Variants in RASAL2 observed in about 807,000 individuals in gnomAD.
The protein encoded by RASAL2 is RAS protein activator like 2.
RASAL2 carries 58 observed loss-of-function variants against 128.9 expected under a neutral mutation model. The ratio of observed to expected loss-of-function variants is 0.45; its 90% CI spans 0.36 to 0.56. The LOEUF (loss-of-function observed/expected upper bound fraction) is 0.56, where lower values mean the gene tolerates loss of function less well. RASAL2 is among the 20% of genes least tolerant of loss of function. The pLI is 0.00. For synonymous variants in RASAL2, 561 were observed against 580.8 expected, an observed-to-expected ratio of 0.97 and a Z score of 0.49; for missense variants, 1,360 against 1,601.6, an observed-to-expected ratio of 0.85 and a Z score of 2.57.
At chr1:178,148,518 G>A (rs1227037783) in intron 1 of RASAL2, among the ~76,000 whole-genome samples, 3 of 150,366 alleles carry the variant, frequency 2.0e-5, no homozygotes, top group African/African-American at 4.9e-5. Flanking sequence ...GTGTGATCTC[G>A]GCCCACTGCA....
Position 178,457,821 on chromosome 1 carries a change from T to C in RASAL2, c.2529T>C (p.Pro843=), listed in dbSNP as rs762290412. The change falls in exon 14 of 18, where the codon CCT becomes CCC. Residue 843 remains proline, a synonymous_variant. Coordinates refer to ENST00000367649, the MANE Select transcript of RASAL2 (RefSeq NM_170692.4). ...SEKDERESSL[P]NGRSVSLMDL... Reference sequence around the variant, plus strand: ...AGGATGAAAGGGAAAGTAGCCTTCCTAATGGTCGGAGCGTCTCCCTCATGG... The same window carrying C: ...AGGATGAAAGGGAAAGTAGCCTTCCCAATGGTCGGAGCGTCTCCCTCATGG... 1 of 1,614,224 alleles carries C rather than the reference T, an allele frequency of 6.2e-7. No homozygotes were observed. The highest frequency in any genetic ancestry group is 1.3e-5 in the African/African-American group (1 of 75,070).
At chr1:178,349,125 A>C (rs1670316767) in intron 3 of RASAL2, among the ~76,000 whole-genome samples, 2 of 151,210 alleles carry the variant, frequency 1.3e-5, no homozygotes, top group Admixed American at 6.6e-5. Context: ...TTCATGTTGA[A>C]AGTTCTCCAG....
intron 1 of RASAL2, among the ~76,000 whole-genome samples, chr1:178,108,837 C>A (rs530060619): frequency 6.6e-6 from 1 of 152,228 alleles, no homozygotes; most frequent in Admixed American, 6.5e-5. Context: ...ATATTTTCAT[C>A]GAGTTGTATA....
At chr1:178,097,419 A>C (rs1251156680) in intron 1 of RASAL2, among the ~76,000 whole-genome samples, 3 of 152,196 alleles carry the variant, frequency 2.0e-5, no homozygotes, top group Non-Finnish European at 4.4e-5. Context: ...AACTTAATGC[A>C]TTTAAATCAT....
At chr1:178,107,686 T>C (rs1558056608) in intron 1 of RASAL2, among the ~76,000 whole-genome samples, 1 of 152,166 alleles carries the variant, frequency 6.6e-6, no homozygotes, top group Admixed American at 6.5e-5. Context: ...ATTTGCCTAT[T>C]CTAGGTACCT....
chr1:178,096,011 C>T (rs775182187), intron 1 of RASAL2, among the ~76,000 whole-genome samples: 1 of 152,146 alleles, frequency 6.6e-6, no homozygotes, highest in African/African-American at 2.4e-5. Context: ...TGTTACTCTA[C>T]GTACCGGAAG....
intron 4 of RASAL2, among the ~76,000 whole-genome samples, chr1:178,400,731 A>T (rs1186374537): frequency 6.6e-6 from 1 of 152,194 alleles, no homozygotes; most frequent in East Asian, 1.9e-4. Context: ...ACAATATTTT[A>T]TTCATTTCAT....
At chr1:178,467,044 T>C (rs946403345) in intron 16 of RASAL2, among the ~76,000 whole-genome samples, 1 of 152,076 alleles carries the variant, frequency 6.6e-6, no homozygotes, top group African/African-American at 2.4e-5. Context: ...TTTTTGTTGG[T>C]TGATTTGATA....
intron 4 of RASAL2, chr1:178,411,497 A>G: frequency 1.9e-6 from 1 of 526,954 alleles, no homozygotes. Flanking sequence ...AATCACCACT[A>G]AAGAACTTTT....
chr1:178,129,050 G>A (rs989276520), intron 1 of RASAL2, among the ~76,000 whole-genome samples: 39 of 151,970 alleles, frequency 2.6e-4, no homozygotes, highest in African/African-American at 7.5e-4. Context: ...ATGAACATAC[G>A]TATGTTTTAT....
At chr1:178,422,976 C>A (rs1175412992) in intron 5 of RASAL2, among the ~76,000 whole-genome samples, 1 of 152,002 alleles carries the variant, frequency 6.6e-6, no homozygotes, top group East Asian at 1.9e-4. Context: ...CCTTATTAAC[C>A]ATTTGTATAT....
Position 178,456,838 on chromosome 1 carries a change from C to A in RASAL2, c.2329C>A (p.Pro777Thr). ...ACGCTTCACTGAACATAACTCCAGTCCAAATGTCAGTGGAAGCCTCTCCTC... is the reference window on the plus strand; with the variant it reads ...ACGCTTCACTGAACATAACTCCAGTACAAATGTCAGTGGAAGCCTCTCCTC... ...LRRFTEHNSS[P>T]NVSGSLSSGL... The change falls in exon 13 of 18, where the codon CCA (proline) becomes ACA (threonine). Residue 777 changes from proline to threonine, a missense_variant. By Grantham distance (38) the Pro-to-Thr change is conservative. This residue lies in a region of RASAL2 where 741 missense variants were observed against 868.6 expected (regional missense o/e 0.85). Transcript: ENST00000367649. The A allele has an allele frequency of 1.9e-6, 3 of 1,614,146 alleles. No homozygotes were observed. Among genetic ancestry groups the A allele is most frequent in the Non-Finnish European group, 2.5e-6 (3 of 1,180,034 alleles).
At chr1:178,138,284 C>T in intron 1 of RASAL2, among the ~76,000 whole-genome samples, 1 of 152,140 alleles carries the variant, frequency 6.6e-6, no homozygotes, top group East Asian at 1.9e-4. Flanking sequence ...AAGTCATGAG[C>T]TGATTCTCCT....
intron 1 of RASAL2, among the ~76,000 whole-genome samples, chr1:178,127,402 T>C (rs1659939580): frequency 6.6e-6 from 1 of 152,214 alleles, no homozygotes; most frequent in Non-Finnish European, 1.5e-5. Flanking sequence ...ATTGCAATCC[T>C]CTTTTTTCCT....
intron 4 of RASAL2, among the ~76,000 whole-genome samples, chr1:178,402,910 A>G (rs1249364157): frequency 6.6e-6 from 1 of 152,086 alleles, no homozygotes; most frequent in Non-Finnish European, 1.5e-5. Flanking sequence ...ATGCTTTTTC[A>G]GGCCTTCCAT....
intron 11 of RASAL2, among the ~76,000 whole-genome samples, chr1:178,453,872 A>G (rs1364784836): frequency 6.6e-6 from 1 of 152,084 alleles, no homozygotes; most frequent in East Asian, 1.9e-4. Context: ...GAGGTGTACT[A>G]TTTTAATTTT....
At chr1:178,419,723 A>G (rs1675018013) in intron 4 of RASAL2, among the ~76,000 whole-genome samples, 6 of 152,138 alleles carry the variant, frequency 3.9e-5, no homozygotes. Context: ...AGTGCTCACT[A>G]TTTGCCAGGT....
At chr1:178,246,695 C>T (rs1238720963) in intron 1 of RASAL2, among the ~76,000 whole-genome samples, 1 of 152,060 alleles carries the variant, frequency 6.6e-6, no homozygotes, top group African/African-American at 2.4e-5. Context: ...ATGATATTGG[C>T]TGTGGGTTTG....
At chr1:178,296,836 C>T (rs549332454) in intron 2 of RASAL2, among the ~76,000 whole-genome samples, 1 of 151,994 alleles carries the variant, frequency 6.6e-6, no homozygotes, top group South Asian at 2.1e-4. Context: ...CCATGTCCAA[C>T]TGATTTTTTG....
Sources: gnomAD v4.1 joint callset for allele counts (sites outside exome capture counted in the v4.1 genomes callset) on GRCh38, gnomAD v4.1.1 for gene constraint, gnomAD v4.1.1 regional missense constraint, MANE v1.5 for transcripts, NCBI Gene and HGNC (gene_info 2026-07-23, HGNC 2026-07-21) for gene names.